ADK: variants seen among roughly 807,000 people sequenced by gnomAD.
The protein encoded by ADK is N6,N6-dimethyladenosine kinase.
A neutral mutation model predicts 44.7 loss-of-function variants in ADK; 24 were observed. That is an observed-to-expected ratio of 0.54 (90% CI 0.39 to 0.76). The LOEUF (loss-of-function observed/expected upper bound fraction) is 0.76. Among genes scored for constraint, ADK ranks in the 30% least tolerant of loss-of-function variants. ADK has a pLI of 0.00. For missense variants in ADK, 321 were observed against 425.1 expected, an observed-to-expected ratio of 0.76 and a Z score of 2.15; for synonymous variants, 128 against 142.6, an observed-to-expected ratio of 0.90 and a Z score of 0.73.
At chr10:74,194,883 G>A (rs1283453793) in intron 1 of ADK, among the ~76,000 whole-genome samples, 1 of 152,142 alleles carries the variant, frequency 6.6e-6, no homozygotes, top group African/African-American at 2.4e-5. Flanking sequence ...ATAATTAAAT[G>A]TTTCTATTAC....
chr10:74,404,767 G>C (rs1352572239), intron 6 of ADK, among the ~76,000 whole-genome samples: 1 of 152,104 alleles, frequency 6.6e-6, no homozygotes, highest in African/African-American at 2.4e-5. Context: ...TGGGAGGATG[G>C]CTTTTGAGGC....
intron 9 of ADK, among the ~76,000 whole-genome samples, chr10:74,642,700 C>G (rs1240517841): frequency 6.6e-6 from 1 of 151,954 alleles, no homozygotes; most frequent in Non-Finnish European, 1.5e-5. Flanking sequence ...CTACTGAGTG[C>G]TTGCATTCAC....
chr10:74,151,305 GCC>G lies in ADK; in HGVS notation c.29_30del (p.Pro10GlnfsTer25). 1 of 1,549,660 alleles carries G rather than the reference GCC, an allele frequency of 6.5e-7. No homozygotes were observed. The highest frequency in any genetic ancestry group is 8.7e-7 in the Non-Finnish European group (1 of 1,146,824). On this transcript the variant is annotated frameshift_variant, in exon 1 of 11. Coordinates refer to ENST00000539909, the MANE Select transcript of ADK (RefSeq NM_006721.4). LOFTEE classifies it high-confidence loss of function. Reference protein sequence around the residue: MAAAEEEPKPKKLKVEAPQA... With the variant: MAAAEEEPKXKKLKVEAPQA... The stretch of plus-strand genomic sequence containing the variant: ...TGGCAGCTGCTGAGGAGGAGCCGAA[GCC>G]CAAAAAGCTGAAGGTGGAGGCGCCG...
chr10:74,506,365 AT>A, intron 6 of ADK: 1 of 245,966 alleles, frequency 4.1e-6, no homozygotes, highest in South Asian at 4.6e-5. Flanking sequence ...TTTTGTAATG[AT>A]TTTTCTCTGC....
chr10:74,605,228 C>A (rs567946978), intron 9 of ADK, among the ~76,000 whole-genome samples: 6 of 152,070 alleles, frequency 3.9e-5, no homozygotes, highest in African/African-American at 2.4e-5. Context: ...ATTTGAATAC[C>A]CTTTATTTCT....
intron 4 of ADK, among the ~76,000 whole-genome samples, chr10:74,381,050 A>G (rs1842963979): frequency 6.6e-6 from 1 of 152,196 alleles, no homozygotes; most frequent in Non-Finnish European, 1.5e-5. Context: ...TTTCATGTGG[A>G]AAATTTTCAG....
intron 6 of ADK, among the ~76,000 whole-genome samples, chr10:74,489,824 C>T (rs1376777692): frequency 6.6e-6 from 1 of 151,768 alleles, no homozygotes; most frequent in Admixed American, 6.6e-5. Flanking sequence ...ACCTAGGACA[C>T]ATTATTATAT....
At chr10:74,203,430 C>G (rs930439274) in intron 2 of ADK, among the ~76,000 whole-genome samples, 2 of 151,966 alleles carry the variant, frequency 1.3e-5, no homozygotes, top group African/African-American at 4.8e-5. Context: ...GCAATCATAG[C>G]TCACTGAAAC....
chr10:74,436,478 C>CAAA (rs34848555), intron 6 of ADK, among the ~76,000 whole-genome samples: 1 of 140,492 alleles, frequency 7.1e-6, no homozygotes, highest in Non-Finnish European at 1.5e-5. Context: ...TTACTGTCTC[C>CAAA]AAAAAAAAAA....
intron 6 of ADK, among the ~76,000 whole-genome samples, chr10:74,440,805 G>C (rs1332665249): frequency 6.6e-6 from 1 of 151,978 alleles, no homozygotes; most frequent in Non-Finnish European, 1.5e-5. Context: ...GTATATCTTA[G>C]GGAGGCATTA....
chr10:74,332,507 T>C (rs1256248190), intron 4 of ADK, among the ~76,000 whole-genome samples: 1 of 152,226 alleles, frequency 6.6e-6, no homozygotes, highest in Non-Finnish European at 1.5e-5. Flanking sequence ...TGGGAATGTT[T>C]TCAACACAGA....
rs907999810 is a variant in ADK, at chr10:74,557,826, G to A, written c.727-31456G>A. 2.0e-5 allele frequency among the ~76,000 whole-genome samples: 3 copies of A among 152,212 alleles called. No individual in the cohort carries two copies. In the East Asian group the frequency reaches 5.8e-4, roughly 29 times the overall value. On this transcript the variant is annotated intron_variant, in intron 7 of 10. Transcript: ENST00000539909. ...TTGGCTCAAAAAGGAGTAAGGTTTT[G>A]AGTGGGGGCTTACAGGTCATCAATG...
At chr10:74,469,958 A>G (rs796143218) in intron 6 of ADK, among the ~76,000 whole-genome samples, 13 of 150,938 alleles carry the variant, frequency 8.6e-5, no homozygotes, top group African/African-American at 2.9e-4. Context: ...ATCTTGTAGC[A>G]TATGACAGGA....
intron 6 of ADK, among the ~76,000 whole-genome samples, chr10:74,505,852 G>A (rs765090658): frequency 1.3e-5 from 2 of 152,146 alleles, no homozygotes; most frequent in African/African-American, 4.8e-5. Flanking sequence ...TTGATGGCAA[G>A]TAGACCACTT....
At chr10:74,237,484 T>A (rs1845014555) in intron 3 of ADK, among the ~76,000 whole-genome samples, 1 of 152,186 alleles carries the variant, frequency 6.6e-6, no homozygotes, top group African/African-American at 2.4e-5. Context: ...GGAATTCACT[T>A]CTTCCAAACT....
intron 4 of ADK, among the ~76,000 whole-genome samples, chr10:74,362,354 A>AT (rs1456465712): frequency 7.8e-6 from 1 of 128,340 alleles, no homozygotes; most frequent in African/African-American, 2.8e-5. Context: ...CTCTATTGAG[A>AT]TTTTCGCTTC....
intron 6 of ADK, among the ~76,000 whole-genome samples, chr10:74,481,528 T>A (rs982466091): frequency 2.6e-5 from 4 of 152,204 alleles, no homozygotes; most frequent in African/African-American, 9.6e-5. Context: ...AGTTTGTGTT[T>A]CACCATCTGT....
At chr10:74,525,059 C>G (rs1323860956) in intron 6 of ADK, among the ~76,000 whole-genome samples, 197 bp from the exon 7 acceptor site, 3 of 152,128 alleles carry the variant, frequency 2.0e-5, no homozygotes, top group Admixed American at 6.5e-5. Flanking sequence ...GCTTTATTCT[C>G]TGAAGTAATG....
In ADK at chr10:74,314,632, G is replaced by A. The variant is rs761033679; in HGVS notation, c.195-35G>A. 15 of 1,451,634 alleles carry A rather than the reference G, an allele frequency of 1.0e-5. No homozygotes were observed. In the Admixed American group the frequency reaches 2.4e-4, roughly 23 times the overall value. The allele number at this position is 1,451,634 out of a possible 1,614,324, so 89.9% of individuals were successfully genotyped here. On this transcript the variant is annotated intron_variant, in intron 3 of 10. Transcript: ENST00000539909. ...TTTACTTTGTTGCAACTCACAGAAG[G>A]TAACTTACTTTTTTCTACTGTGATT...
Sources: gnomAD v4.1 joint callset for allele counts (sites outside exome capture counted in the v4.1 genomes callset) on GRCh38, gnomAD v4.1.1 for gene constraint, MANE v1.5 for transcripts, NCBI Gene and HGNC (gene_info 2026-07-23, HGNC 2026-07-21) for gene names.